UBQLN1: variants seen among roughly 807,000 people sequenced by gnomAD.
The protein encoded by UBQLN1 is ubiquilin 1.
In UBQLN1, 13 loss-of-function variants were observed where a neutral mutation model predicts 65.4. That is an observed-to-expected ratio of 0.20 (90% CI 0.13 to 0.32). The LOEUF (loss-of-function observed/expected upper bound fraction) is 0.32, where lower values mean the gene tolerates loss of function less well. Ranked by LOEUF, UBQLN1 falls within the 10% of genes least tolerant of loss-of-function variation. The pLI, the probability that UBQLN1 is intolerant of heterozygous loss-of-function variation, is 1.00. For missense variants in UBQLN1, 561 were observed against 724.0 expected (o/e 0.77, Z 2.58); for synonymous variants, 267 against 247.8 (o/e 1.08, Z -0.73).
intron 6 of UBQLN1, among the ~76,000 whole-genome samples, chr9:83,674,847 T>A (rs182702227): frequency 9.9e-5 from 15 of 152,188 alleles, no homozygotes; most frequent in Non-Finnish European, 1.9e-4. Context: ...GACCATTTTT[T>A]AAAAAGTTGA....
rs1298545864 is a variant in UBQLN1 at position 83,661,646 on chromosome 9, C to T, written c.*141G>A. 5.6e-6 allele frequency: 5 copies of T among 887,812 alleles called. No homozygotes were observed. The highest frequency in any genetic ancestry group is 8.1e-6 in the Non-Finnish European group (5 of 617,222). 55.0% of individuals were successfully genotyped at this position (887,812 alleles called of 1,614,324 possible). ...AGAAAAACCCACACATCTTACTGTA[C>T]TCCACCTTAAAATGCATCATATTGG... On this transcript the variant is annotated 3_prime_UTR_variant, in exon 11 of 11. Transcript: ENST00000376395.
chr9:83,705,246 C>CTTTTTTTTTTTTTTTTTT lies in UBQLN1; in HGVS notation c.180+2253_180+2254insAAAAAAAAAAAAAAAAAA, dbSNP rs57550660. 7.0e-5 allele frequency among the ~76,000 whole-genome samples: 9 copies of CTTTTTTTTTTTTTTTTTT among 129,474 alleles called. 1 individual carries two copies. The highest frequency in any genetic ancestry group is 7.5e-5 in the Admixed American group (1 of 13,330). The allele number at this position is 129,474 out of a possible 152,430, so 84.9% of individuals were successfully genotyped here. ...ATATGTGCTGCTGAAGCCAGCACTC[C>CTTTTTTTTTTTTTTTTTT]TTTTTTTTTTTGAAACGGAGTTTCA... On this transcript the variant is annotated intron_variant, in intron 1 of 10. Transcript: ENST00000376395.
At chr9:83,667,097 T>C (rs1481928242) in intron 7 of UBQLN1, 1 of 152,182 alleles carries the variant, frequency 6.6e-6, no homozygotes, top group East Asian at 1.9e-4. Context: ...AACACCAAGA[T>C]TAGCATCTGG....
intron 1 of UBQLN1, among the ~76,000 whole-genome samples, chr9:83,704,132 A>C (rs1832357505): frequency 6.6e-6 from 1 of 152,210 alleles, no homozygotes. Context: ...AAAATTAGGT[A>C]CAAATTTTAA....
intron 2 of UBQLN1, among the ~76,000 whole-genome samples, chr9:83,683,292 G>C (rs1228876012): frequency 6.6e-6 from 1 of 151,768 alleles, no homozygotes; most frequent in African/African-American, 2.4e-5. Flanking sequence ...AGTGCCTATA[G>C]TCCCAGCTAC....
At chr9:83,681,872 A>G (rs180823134) in intron 3 of UBQLN1, among the ~76,000 whole-genome samples, 100 of 152,364 alleles carry the variant, frequency 6.6e-4, no homozygotes, top group Non-Finnish European at 1.3e-4. Context: ...TGGTAGAGCT[A>G]TAATACAGCA....
intron 3 of UBQLN1, among the ~76,000 whole-genome samples, chr9:83,681,519 T>G (rs1831939735): frequency 6.6e-6 from 1 of 152,162 alleles, no homozygotes; most frequent in Admixed American, 6.6e-5. Context: ...GAAGAAGAGA[T>G]AACACTTAAT....
intron 7 of UBQLN1, chr9:83,668,752 A>T: frequency 1.8e-6 from 1 of 547,786 alleles, no homozygotes; most frequent in Non-Finnish European, 2.3e-6. Flanking sequence ...TCTTTAATAA[A>T]TGCTATTTTA....
chr9:83,676,891 C>A (rs1454691654), intron 6 of UBQLN1, among the ~76,000 whole-genome samples: 3 of 152,190 alleles, frequency 2.0e-5, no homozygotes, highest in African/African-American at 7.2e-5. Context: ...GACAAAACAT[C>A]CGCATGTAGT....
At chr9:83,681,518 A>G (rs902253393) in intron 3 of UBQLN1, among the ~76,000 whole-genome samples, 1 of 152,242 alleles carries the variant, frequency 6.6e-6, no homozygotes, top group South Asian at 2.1e-4. Context: ...AGAAGAAGAG[A>G]TAACACTTAA....
At chr9:83,662,675 A>G (rs1430690842) in intron 10 of UBQLN1, among the ~76,000 whole-genome samples, 2 of 152,238 alleles carry the variant, frequency 1.3e-5, no homozygotes, top group East Asian at 3.8e-4. Context: ...TATTCCATGA[A>G]TATTTACTGA....
chr9:83,670,745 G>T (rs113487437), intron 6 of UBQLN1, among the ~76,000 whole-genome samples: 1,882 of 152,154 alleles, frequency 0.012, 38 homozygotes, highest in African/African-American at 0.04. Flanking sequence ...TTTCAAAATT[G>T]GAGCCAATCC....
intron 1 of UBQLN1, 74 bp from the exon 2 acceptor site, chr9:83,686,229 T>TG: frequency 2.0e-6 from 2 of 987,022 alleles, no homozygotes; most frequent in Non-Finnish European, 2.9e-6. Flanking sequence ...TACAGGTACC[T>TG]CATAGAGGCC....
At chr9:83,701,541 C>G (rs1832310205) in intron 1 of UBQLN1, among the ~76,000 whole-genome samples, 1 of 152,194 alleles carries the variant, frequency 6.6e-6, no homozygotes, top group Non-Finnish European at 1.5e-5. Context: ...GCAAATTTGT[C>G]TAGCAGGCTG....
chr9:83,701,879 T>C (rs559310239), intron 1 of UBQLN1, among the ~76,000 whole-genome samples: 8 of 152,236 alleles, frequency 5.3e-5, no homozygotes, highest in African/African-American at 9.6e-5. Flanking sequence ...TCAGAGGCAT[T>C]AGTCACAATA....
intron 9 of UBQLN1, 89 bp downstream of exon 9, chr9:83,664,941 A>AAT (rs1421673104): frequency 7.2e-6 from 6 of 833,390 alleles, no homozygotes; most frequent in Non-Finnish European, 1.0e-5. Context: ...AAAAAAAAAA[A>AAT]AAAAAGGCAG....
At chr9:83,686,197 C>G in intron 1 of UBQLN1, 42 bp from the exon 2 acceptor site, 1 of 1,320,638 alleles carries the variant, frequency 7.6e-7, no homozygotes, top group East Asian at 2.7e-5. Context: ...GTTGTTTGCA[C>G]AGCACCATAC....
rs772280834 is a variant in UBQLN1, at chr9:83,677,810, G to A, written c.1022C>T (p.Thr341Ile). The A allele has an allele frequency of 6.2e-7, 1 of 1,614,046 alleles. No homozygotes were observed. The highest frequency in any genetic ancestry group is 1.3e-5 in the African/African-American group (1 of 74,922). ...AGTACTACCAGTAGTGCCACCCACA[G>A]TGCTGGCAGTGCCGCTGGAAGCTGA... ...SSSASSGTASTVGGTTGSTAS... is the reference protein window; with the variant it reads ...SSSASSGTASIVGGTTGSTAS... The change falls in exon 6 of 11, where the codon ACT becomes ATT. Residue 341 changes from threonine (T) to isoleucine (I), a missense_variant. By Grantham distance (89) the Thr-to-Ile change is moderately conservative. Transcript: ENST00000376395.
In UBQLN1 at chr9:83,686,107, C is replaced by A. The variant is rs547497981; in HGVS notation, c.229G>T (p.Val77Leu). 2 of 1,593,254 alleles carry A rather than the reference C, an allele frequency of 1.3e-6. No homozygotes were observed. The highest frequency in any genetic ancestry group is 1.2e-5 in the South Asian group (1 of 86,704). ...AAAATTTTTCCAGCAAATATCAACA[C>A]AAGTTGGTCAGTATGTGATTTAAAA... is the stretch of plus-strand genomic sequence containing the variant. ...KRFKSHTDQL[V>L]LIFAGKILKD... Residue 77 changes from valine to leucine, a missense_variant, in exon 2 of 11, where the codon GTG becomes TTG. Transcript: ENST00000376395.
Sources: gnomAD v4.1 joint callset for allele counts (sites outside exome capture counted in the v4.1 genomes callset) on GRCh38, gnomAD v4.1.1 for gene constraint, MANE v1.5 for transcripts, NCBI Gene and HGNC (gene_info 2026-07-23, HGNC 2026-07-21) for gene names.